SHBG: variants seen among roughly 807,000 people sequenced by gnomAD.
The protein encoded by SHBG is sex hormone binding globulin.
In SHBG, 37 loss-of-function variants were observed where a neutral mutation model predicts 41.9. The ratio of observed to expected loss-of-function variants is 0.88; its 90% CI spans 0.68 to 1.16. The LOEUF (loss-of-function observed/expected upper bound fraction) is 1.16, where lower values mean the gene tolerates loss of function less well. Among genes scored for constraint, SHBG ranks in the 50% most tolerant of loss-of-function variants. The pLI is 0.00. For synonymous variants in SHBG, 217 were observed against 205.8 expected (o/e 1.05, Z -0.47); for missense variants, 466 against 499.9 (o/e 0.93, Z 0.65).
chr17:7,632,720 T>C (rs1303929513), intron 6 of SHBG, 32 bp from the exon 7 acceptor site: 1 of 1,568,632 alleles, frequency 6.4e-7, no homozygotes, highest in Non-Finnish European at 8.8e-7. Context: ...CTTCCCTCTC[T>C]CTCTACCGTC....
intron 1 of SHBG, among the ~76,000 whole-genome samples, chr17:7,621,117 A>ACCAGCTGCATAAACTGGTCTC (rs2072087250): frequency 4.2e-5 from 6 of 141,296 alleles, no homozygotes; most frequent in African/African-American, 1.6e-4. Flanking sequence ...AAAAAAAAAA[A>ACCAGCTGCATAAACTGGTCTC]AAAAAATCAA....
upstream of SHBG, among the ~76,000 whole-genome samples, chr17:7,625,200 C>T (rs999640208): frequency 1.5e-4 from 23 of 151,902 alleles, no homozygotes; most frequent in East Asian, 9.7e-4. Flanking sequence ...CGACCCGCCT[C>T]GGCCTCCCAA....
upstream of SHBG, among the ~76,000 whole-genome samples, chr17:7,629,044 G>T (rs1047295663): frequency 6.8e-6 from 1 of 147,188 alleles, no homozygotes; most frequent in African/African-American, 2.5e-5. Flanking sequence ...CAACAAAAGC[G>T]AAACTCCATC....
At chr17:7,631,531 C>T (rs541291449) in intron 4 of SHBG, 58 bp from the exon 5 acceptor site, 2 of 1,601,980 alleles carry the variant, frequency 1.2e-6, no homozygotes, top group South Asian at 2.2e-5. Context: ...GAGGTCGGGA[C>T]TGCGGCTCCG....
At chr17:7,627,737 C>G, upstream of SHBG, 50 of 999,340 alleles carry the variant, frequency 5.0e-5, no homozygotes, top group Non-Finnish European at 6.6e-5. This position sits in a 1 kb window ranked among gnomAD's most constrained non-coding sequence, Gnocchi z 4.8. Flanking sequence ...CCTGAGAGAG[C>G]GGGGTGGCGG....
At chr17:7,618,352 A>G (rs1325807085) in intron 1 of SHBG, among the ~76,000 whole-genome samples, 1 of 149,068 alleles carries the variant, frequency 6.7e-6, no homozygotes, top group East Asian at 2.0e-4. Flanking sequence ...GCTCACTGCA[A>G]CCTCTGCCTC....
intron 1 of SHBG, among the ~76,000 whole-genome samples, chr17:7,622,664 A>T (rs1420636422): frequency 6.6e-6 from 1 of 152,108 alleles, no homozygotes; most frequent in Non-Finnish European, 1.5e-5. Context: ...AAATGGAGTG[A>T]TACTGGAGTG....
rs371159064 is a variant in SHBG, at chr17:7,633,017, G to A, written c.1060+58G>A. On this transcript the variant is annotated intron_variant, in intron 7 of 7. Coordinates refer to ENST00000380450, the MANE Select transcript of SHBG (RefSeq NM_001040.5). Reference sequence around the variant, plus strand: ...CAACATTGGAAACAGCTCAAGGGAGGCGGCACATTTTGAGGGGAAGGAAAC... The same window carrying A: ...CAACATTGGAAACAGCTCAAGGGAGACGGCACATTTTGAGGGGAAGGAAAC... 8 of 1,530,488 alleles carry A rather than the reference G, an allele frequency of 5.2e-6. No homozygotes were observed. In the East Asian group the frequency reaches 6.8e-5, roughly 13 times the overall value. 94.8% of individuals were successfully genotyped at this position (1,530,488 alleles called of 1,614,324 possible).
chr17:7,626,368 C>A, upstream of SHBG: 1 of 1,525,648 alleles, frequency 6.6e-7, no homozygotes, highest in Non-Finnish European at 9.0e-7. Flanking sequence ...GCATCAGTGT[C>A]TGTGGACGTA....
At chr17:7,624,768 C>T (rs1468526235), upstream of SHBG, among the ~76,000 whole-genome samples, 1 of 151,976 alleles carries the variant, frequency 6.6e-6, no homozygotes, top group Non-Finnish European at 1.5e-5. Flanking sequence ...TCTCATGCCT[C>T]AGCCTCCCCA....
chr17:7,628,288 G>A, upstream of SHBG: 1 of 212,830 alleles, frequency 4.7e-6, no homozygotes, highest in South Asian at 6.8e-5. Context: ...TTTGGAGATG[G>A]TGTATTGCTT....
Position 7,631,239 on chromosome 17 carries a change from G to T in SHBG, c.433G>T (p.Val145Leu), listed in dbSNP as rs532422090. 8 of 1,601,172 alleles carry T rather than the reference G, an allele frequency of 5.0e-6. No individual in the cohort carries two copies. Among genetic ancestry groups the T allele is most frequent in the Non-Finnish European group, 6.8e-6 (8 of 1,174,024 alleles). ...KMEGDSVLLEVDGEEVLRLRQ... is the reference protein window; with the variant it reads ...KMEGDSVLLELDGEEVLRLRQ... ...GGAGGGGGACTCTGTGCTGCTGGAG[G>T]TGGATGGGGAGGAGGTGCTGCGCCT... The change falls in exon 4 of 8, where the codon GTG becomes TTG. Residue 145 changes from valine (V) to leucine (L), a missense_variant. Val to Leu is a conservative substitution (Grantham distance 32, BLOSUM62 1). Transcript: ENST00000380450.
intron 1 of SHBG, chr17:7,614,658 G>A (rs1276823897): frequency 6.6e-6 from 3 of 455,318 alleles, no homozygotes; most frequent in Non-Finnish European, 1.0e-5. Flanking sequence ...GGCGGGAGCC[G>A]GGCCGGCCCC....
upstream of SHBG, chr17:7,627,655 G>A (rs1458791834): frequency 2.5e-6 from 4 of 1,613,952 alleles, no homozygotes; most frequent in East Asian, 8.9e-5. The surrounding 1 kb of genome is among the most constrained non-coding windows in gnomAD (Gnocchi z 4.8). Context: ...CGCTGTCTGG[G>A]ACCAAAGTCC....
intron 7 of SHBG, 32 bp from the exon 8 acceptor site, chr17:7,633,172 T>C: frequency 6.2e-7 from 1 of 1,613,682 alleles, no homozygotes. Context: ...ACCTTAATGC[T>C]CTAATGCCAC....
rs1293387323 is a variant in SHBG at position 7,616,434 on chromosome 17, C to T, written c.-62+2323C>T. ...CATCCTGGCTAACACGGTGAAACCCCATCTCAACTAAAAATACAAAAAAAA... is the reference window on the plus strand; with the variant it reads ...CATCCTGGCTAACACGGTGAAACCCTATCTCAACTAAAAATACAAAAAAAA... On this transcript the variant is annotated intron_variant, in intron 1 of 5. Transcript: ENST00000570547. Among the ~76,000 whole-genome samples the T allele has an allele frequency of 1.8e-4, 23 of 128,586 alleles. No individual in the cohort carries two copies. In the Admixed American group the frequency reaches 2.0e-3, roughly 11 times the overall value. The allele number at this position is 128,586 out of a possible 152,430, so 84.4% of individuals were successfully genotyped here.
At chr17:7,614,222 C>T (rs1056603608) in intron 1 of SHBG, 1 of 685,144 alleles carries the variant, frequency 1.5e-6, no homozygotes, top group South Asian at 1.5e-5. Context: ...GAAGTTCATT[C>T]TCCCGGAGAT....
At chr17:7,625,460 C>T (rs893899889), upstream of SHBG, among the ~76,000 whole-genome samples, 3 of 151,450 alleles carry the variant, frequency 2.0e-5, no homozygotes, top group Non-Finnish European at 4.4e-5. Flanking sequence ...GCCTGTAGTC[C>T]CAGCTGTTCA....
At chr17:7,614,857 C>A (rs1268089267) in intron 1 of SHBG, 2 of 160,588 alleles carry the variant, frequency 1.2e-5, no homozygotes, top group African/African-American at 2.4e-5. Flanking sequence ...GCCGCTGCCG[C>A]TCCACAGCCT....
Sources: gnomAD v4.1 joint callset for allele counts (sites outside exome capture counted in the v4.1 genomes callset) on GRCh38, gnomAD v4.1.1 for gene constraint, Gnocchi (gnomAD v3.1) non-coding constraint, MANE v1.5 for transcripts, NCBI Gene and HGNC (gene_info 2026-07-23, HGNC 2026-07-21) for gene names.